Variants in PSG9 observed in about 807,000 individuals in gnomAD.
PSG9 encodes the protein pregnancy specific beta-1-glycoprotein 9.
Under a neutral mutation model 41.9 loss-of-function variants are expected in PSG9, and 49 were observed. The observed-to-expected ratio is 1.17, with a 90% CI of 0.93 to 1.48. The LOEUF is 1.48. Ranked by LOEUF, PSG9 falls within the 40% of genes most tolerant of loss-of-function variation. The probability of loss-of-function intolerance (pLI) is 0.00; values close to 1 mark genes in which losing one functional copy is unlikely to be tolerated. For synonymous variants in PSG9, 263 were observed against 196.8 expected, an observed-to-expected ratio of 1.34 and a Z score of -2.82; for missense variants, 641 against 520.3, an observed-to-expected ratio of 1.23 and a Z score of -2.26.
intron 3 of PSG9, 170 bp from the exon 4 acceptor site, chr19:43,259,305 G>A (rs2122517535): frequency 2.4e-6 from 3 of 1,254,154 alleles, no homozygotes; most frequent in African/African-American, 3.3e-5. Context: ...AGGGCTCAAA[G>A]ACTGTGAGGC....
At chr19:43,260,154 G>A (rs1256877817) in intron 3 of PSG9, 2 of 147,088 alleles carry the variant, frequency 1.4e-5, no homozygotes, top group Non-Finnish European at 3.0e-5. Flanking sequence ...GTGAATATGA[G>A]AAGAGACTGC....
chr19:43,259,331 AG>A, intron 3 of PSG9, 196 bp from the exon 4 acceptor site: 1 of 1,071,596 alleles, frequency 9.3e-7, no homozygotes. Flanking sequence ...GCTCTGTCTT[AG>A]GGAAGCACAG....
In PSG9 at chr19:43,267,663, C is replaced by G. The variant is rs542775611; in HGVS notation, c.430+121G>C. 67 of 1,527,484 alleles carry G rather than the reference C, an allele frequency of 4.4e-5. 1 individual carries two copies. The South Asian group carries it at 6.5e-4, about 15-fold the overall frequency. 94.6% of individuals were successfully genotyped at this position (1,527,484 alleles called of 1,614,324 possible). On this transcript the variant is annotated intron_variant, in intron 2 of 5. Coordinates refer to ENST00000270077, the MANE Select transcript of PSG9 (RefSeq NM_002784.5). ...TGTGTCCTGCACTAAATGCCCAAAC[C>G]CCAGCATGGGACATAATGCAGAGAG...
chr19:43,258,533 G>A (rs867684204), intron 4 of PSG9, 77 bp from the exon 5 acceptor site: 5 of 1,467,192 alleles, frequency 3.4e-6, no homozygotes, highest in Non-Finnish European at 4.5e-6. Flanking sequence ...AAGGGACACA[G>A]TGACCCTCTG....
At chr19:43,257,663 C>A (rs1968496088) in intron 5 of PSG9, 1 of 1,053,192 alleles carries the variant, frequency 9.5e-7, no homozygotes, top group Admixed American at 5.3e-5. Flanking sequence ...TTTCTACACA[C>A]ACGCTAGTCC....
chr19:43,258,628 C>G (rs1044820655), intron 4 of PSG9, among the ~76,000 whole-genome samples, 172 bp from the exon 5 acceptor site: 1 of 146,298 alleles, frequency 6.8e-6, no homozygotes, highest in Non-Finnish European at 1.5e-5. Flanking sequence ...TTTCTCCCAT[C>G]ACAAGCTGTG....
chr19:43,257,953 G>A (rs1968509316), intron 5 of PSG9: 1 of 1,436,166 alleles, frequency 7.0e-7, no homozygotes. Context: ...CTACCACATA[G>A]GGCTCAGGGC....
rs369027070 is a variant in PSG9, at chr19:43,269,456, C to T, written c.-25G>A. On this transcript the variant is annotated 5_prime_UTR_variant, in exon 1 of 6. Transcript: ENST00000270077. ...TGGTCTCTGCTGCCTGTGTGTTCTC[C>T]TCTGTGGAGATGAGCCTGGGATCCA... is the stretch of plus-strand genomic sequence containing the variant. 1 of 1,612,756 alleles carries T rather than the reference C, an allele frequency of 6.2e-7. No individual in the cohort carries two copies. The highest frequency in any genetic ancestry group is 1.3e-5 in the African/African-American group (1 of 74,866).
rs1352094452 is a variant in PSG9, at chr19:43,259,321, G to T, written c.710-186C>A. 2.4e-5 allele frequency: 28 copies of T among 1,162,794 alleles called. 3 individuals are homozygous for T. Among genetic ancestry groups the T allele is most frequent in the African/African-American group, 1.9e-4 (11 of 59,100 alleles). 72.0% of individuals were successfully genotyped at this position (1,162,794 alleles called of 1,614,324 possible). ...GGGCTCAAAGACTGTGAGGCCGCCT[G>T]CTCTGTCTTAGGGAAGCACAGACTT... On this transcript the variant is annotated intron_variant, in intron 3 of 5. Transcript: ENST00000270077.
chr19:43,257,327 CTTATA>C (rs1323022732), intron 5 of PSG9: 1 of 911,814 alleles, frequency 1.1e-6, no homozygotes, highest in Non-Finnish European at 1.3e-6. Flanking sequence ...AATGGTAAGT[CTTATA>C]TTAGATATAT....
chr19:43,267,825 T>C lies in PSG9; in HGVS notation c.389A>G (p.Glu130Gly), dbSNP rs760096637. 26 of 1,613,374 alleles carry C rather than the reference T, an allele frequency of 1.6e-5. 1 individual carries two copies. The highest frequency in any genetic ancestry group is 2.7e-5 in the African/African-American group (2 of 74,876). Residue 130 changes from glutamate (E) to glycine (G), a missense_variant, in exon 2 of 6, where the codon GAG (glutamate) becomes GGG (glycine). Coordinates refer to ENST00000270077, the MANE Select transcript of PSG9 (RefSeq NM_002784.5). ...GAAATGTCGAATTTCTTCTCTAGTC[T>C]CATCACCTCGCTTTATGATGTGTAA... ...YTLHIIKRGDETREEIRHFTF... is the reference protein window; with the variant it reads ...YTLHIIKRGDGTREEIRHFTF...
intron 2 of PSG9, among the ~76,000 whole-genome samples, chr19:43,263,202 G>A (rs1479658417): frequency 6.6e-6 from 1 of 152,104 alleles, no homozygotes; most frequent in East Asian, 1.9e-4. Context: ...AGGGGAATAG[G>A]GTGTTGTTCC....
At chr19:43,268,412 A>T (rs1166044593) in intron 1 of PSG9, among the ~76,000 whole-genome samples, 1 of 151,984 alleles carries the variant, frequency 6.6e-6, no homozygotes, top group African/African-American at 2.4e-5. Context: ...TCTGTTTGGA[A>T]TCCTCTTCCC....
intron 2 of PSG9, among the ~76,000 whole-genome samples, chr19:43,262,721 G>T (rs1968784950): frequency 1.3e-5 from 2 of 152,154 alleles, no homozygotes; most frequent in Non-Finnish European, 2.9e-5. Context: ...GAGCCACAAG[G>T]TGGGGCAGTT....
Position 43,269,425 on chromosome 19 carries a change from G to GC in PSG9, c.6dup (p.Pro3AlafsTer37). Reference sequence around the variant, plus strand: ...TGTGTGCAGGAAGGGGCTGGGAGGGGCCCCATGGTCTCTGCTGCCTGTGTG... The same window carrying GC: ...TGTGTGCAGGAAGGGGCTGGGAGGGGCCCCCATGGTCTCTGCTGCCTGTGTG... On this transcript the variant is annotated frameshift_variant, in exon 1 of 6. Transcript: ENST00000270077. LOFTEE classifies it high-confidence loss of function. 1 of 1,613,586 alleles carries GC rather than the reference G, an allele frequency of 6.2e-7. No individual in the cohort carries two copies. The highest frequency in any genetic ancestry group is 8.5e-7 in the Non-Finnish European group (1 of 1,179,658).
At chr19:43,264,481 A>G (rs1479795908) in intron 2 of PSG9, among the ~76,000 whole-genome samples, 1 of 151,896 alleles carries the variant, frequency 6.6e-6, no homozygotes, top group Non-Finnish European at 1.5e-5. Context: ...TTTCTGAGAC[A>G]GAGTCTCGCT....
rs201108856 is a variant in PSG9 at position 43,267,902 on chromosome 19, G to T, written c.312C>A (p.Asn104Lys). 1.2e-6 allele frequency: 2 copies of T among 1,613,744 alleles called. No homozygotes were observed. Among genetic ancestry groups the T allele is most frequent in the Non-Finnish European group, 1.7e-6 (2 of 1,179,772 alleles). ...TGACATTCTGGATCAGCAGGGATGCGTTGGAATATACTGTTTCTCTTCCAC... is the reference window on the plus strand; with the variant it reads ...TGACATTCTGGATCAGCAGGGATGCTTTGGAATATACTGTTTCTCTTCCAC... Reference protein sequence around the residue: ...AYSGRETVYSNASLLIQNVTR... With the variant: ...AYSGRETVYSKASLLIQNVTR... Residue 104 changes from asparagine (N) to lysine (K), a missense_variant, in exon 2 of 6, where the codon AAC becomes AAA. Asn to Lys is a moderately conservative substitution (Grantham distance 94). Transcript: ENST00000270077.
Position 43,257,299 on chromosome 19 carries a change from G to A in PSG9, c.1243+903C>T, listed in dbSNP as rs1968475561. 1.4e-5 allele frequency: 12 copies of A among 851,958 alleles called. 1 individual carries two copies. Among genetic ancestry groups the A allele is most frequent in the Non-Finnish European group, 1.7e-5 (12 of 717,660 alleles). The allele number at this position is 851,958 out of a possible 1,614,324, so 52.8% of individuals were successfully genotyped here. A position where few individuals can be genotyped will look rare whatever the true frequency, so the allele number is the denominator to read the frequency against. ...TGTGATGGTTACACAACACTAAATT[G>A]CACACATAGAAATAGTTAATGGTAA... On this transcript the variant is annotated intron_variant, in intron 5 of 5. Transcript: ENST00000270077.
At chr19:43,261,447 T>G (rs932776200) in intron 3 of PSG9, among the ~76,000 whole-genome samples, 12 of 152,024 alleles carry the variant, frequency 7.9e-5, no homozygotes, top group South Asian at 4.1e-4. Context: ...AAATGGTGGG[T>G]GCATCCAGGC....
Sources: gnomAD v4.1 joint callset for allele counts (sites outside exome capture counted in the v4.1 genomes callset) on GRCh38, gnomAD v4.1.1 for gene constraint, MANE v1.5 for transcripts, NCBI Gene and HGNC (gene_info 2026-07-23, HGNC 2026-07-21) for gene names.